Variants in TTC34 observed in about 807,000 individuals in gnomAD.
TTC34 encodes tetratricopeptide repeat protein 34.
Under a neutral mutation model 40.7 loss-of-function variants are expected in TTC34, and 44 were observed. The ratio of observed to expected loss-of-function variants is 1.08; its 90% CI spans 0.85 to 1.39. TTC34 has a LOEUF of 1.39. Among genes scored for constraint, TTC34 ranks in the 40% most tolerant of loss-of-function variants. The pLI, the probability that TTC34 is intolerant of heterozygous loss-of-function variation, is 0.00. For synonymous variants in TTC34, 422 were observed against 398.6 expected, an observed-to-expected ratio of 1.06 and a Z score of -0.70; for missense variants, 884 against 838.0, an observed-to-expected ratio of 1.05 and a Z score of -0.68.
At chr1:2,691,148 G>C (rs865826748) in intron 6 of TTC34, among the ~76,000 whole-genome samples, 7 of 46,540 alleles carry the variant, frequency 1.5e-4, no homozygotes, top group East Asian at 5.1e-4. Context: ...CACCGCCAGG[G>C]GAGTATCTGA....
chr1:2,758,449 A>T (rs1411621400), intron 6 of TTC34, among the ~76,000 whole-genome samples: 1 of 83,950 alleles, frequency 1.2e-5, no homozygotes, highest in East Asian at 3.3e-4. Flanking sequence ...CCAGGTGCGC[A>T]CATGACAGCC....
At chr1:2,685,129 G>T (rs1188567482) in intron 6 of TTC34, among the ~76,000 whole-genome samples, 27 of 143,642 alleles carry the variant, frequency 1.9e-4, no homozygotes, top group Admixed American at 1.9e-3. Context: ...CCCCAGGCGA[G>T]CATCGGACGG....
chr1:2,788,072 G>A (rs987840510), intron 3 of TTC34, among the ~76,000 whole-genome samples: 12 of 152,256 alleles, frequency 7.9e-5, no homozygotes. Flanking sequence ...ACACATGGCT[G>A]CACCTGGCAT....
rs1454305548 is a variant in TTC34, at chr1:2,760,270, C to T, written c.2226+23339G>A. ...CAGGCGAGCATCTGACCGCATGGAGCAGCAGCCACAACTCCAGGCGAGCAT... is the reference window on the plus strand; with the variant it reads ...CAGGCGAGCATCTGACCGCATGGAGTAGCAGCCACAACTCCAGGCGAGCAT... On this transcript the variant is annotated intron_variant, in intron 6 of 8. Coordinates refer to ENST00000401095, the Ensembl canonical transcript of TTC34. Among the ~76,000 whole-genome samples, 3 of 70,930 alleles carry T rather than the reference C, an allele frequency of 4.2e-5. 1 individual carries two copies. The highest frequency in any genetic ancestry group is 7.3e-5 in the Non-Finnish European group (3 of 40,980). The allele number at this position is 70,930 out of a possible 152,430, so 46.5% of individuals were successfully genotyped here.
At chr1:2,688,124 A>G (rs1640451471) in intron 6 of TTC34, among the ~76,000 whole-genome samples, 1 of 148,454 alleles carries the variant, frequency 6.7e-6, no homozygotes, top group African/African-American at 2.5e-5. Flanking sequence ...AACAGCACCC[A>G]CACCCCCAGG....
intron 2 of TTC34, among the ~76,000 whole-genome samples, chr1:2,791,216 A>G (rs1272480955): frequency 6.6e-6 from 1 of 152,078 alleles, no homozygotes; most frequent in Admixed American, 6.5e-5. Context: ...CCCCATCCCA[A>G]AAAGGGCCCC....
At chr1:2,647,633 C>G (rs1348102994) in intron 6 of TTC34, among the ~76,000 whole-genome samples, 1 of 152,052 alleles carries the variant, frequency 6.6e-6, no homozygotes, top group Non-Finnish European at 1.5e-5. Flanking sequence ...GACTCCATCT[C>G]TTCTAGAAAA....
At position 2,751,578 on chromosome 1, in the gene TTC34, G is replaced by A. The variant is rs1282512083; in HGVS notation, c.2226+32031C>T. ...CAACAGCACGCACACCCCCAGGTGC[G>A]CACGTGACAGCCTGCAACAGCACCC... On this transcript the variant is annotated intron_variant, in intron 6 of 8. Transcript: ENST00000401095. 3.4e-4 allele frequency among the ~76,000 whole-genome samples: 38 copies of A among 110,642 alleles called. 7 individuals carry two copies. The highest frequency in any genetic ancestry group is 8.9e-4 in the African/African-American group (22 of 24,760). The allele number at this position is 110,642 out of a possible 152,430, so 72.6% of individuals were successfully genotyped here. A position where few individuals can be genotyped will look rare whatever the true frequency, so the allele number is the denominator to read the frequency against.
chr1:2,641,575 G>A (rs1173116567), exon 9 of TTC34: 1 of 1,533,074 alleles, frequency 6.5e-7, no homozygotes, highest in Non-Finnish European at 8.7e-7. Flanking sequence ...GGCTGTTCTG[G>A]GCCAAGGAGG....
chr1:2,776,102 TA>T (rs1223214776), intron 6 of TTC34: 1 of 134,238 alleles, frequency 7.4e-6, no homozygotes, highest in Admixed American at 7.2e-5. Context: ...AAGAATTTGA[TA>T]AGTGGGAAAA....
intron 8 of TTC34, among the ~76,000 whole-genome samples, chr1:2,643,357 G>A (rs1468891754): frequency 2.6e-5 from 4 of 152,172 alleles, no homozygotes; most frequent in Non-Finnish European, 4.4e-5. Flanking sequence ...TCCTGGCGCC[G>A]CAGCCCAGCC....
chr1:2,751,641 C>A lies in TTC34; in HGVS notation c.2226+31968G>T, dbSNP rs1252388441. ...GAGCATCTGACGGCCTGGAACAGCACCCACACCCCCAGTTGAGCATTGGAC... is the reference window on the plus strand; with the variant it reads ...GAGCATCTGACGGCCTGGAACAGCAACCACACCCCCAGTTGAGCATTGGAC... On this transcript the variant is annotated intron_variant, in intron 6 of 8. Transcript: ENST00000401095. Among the ~76,000 whole-genome samples, 8 of 139,448 alleles carry A rather than the reference C, an allele frequency of 5.7e-5. 2 individuals carry two copies. The highest frequency in any genetic ancestry group is 9.4e-5 in the Non-Finnish European group (6 of 63,896). The allele number at this position is 139,448 out of a possible 152,430, so 91.5% of individuals were successfully genotyped here.
chr1:2,683,300 A>C (rs1401999900), intron 6 of TTC34, among the ~76,000 whole-genome samples: 1 of 146,520 alleles, frequency 6.8e-6, no homozygotes, highest in Non-Finnish European at 1.5e-5. Flanking sequence ...AGCCTGGAAC[A>C]GAATCCACAC....
At chr1:2,792,188 G>T (rs1183925642) in intron 2 of TTC34, among the ~76,000 whole-genome samples, 1 of 150,812 alleles carries the variant, frequency 6.6e-6, no homozygotes, top group African/African-American at 2.4e-5. Context: ...TTTTGGAGTT[G>T]GAGTCTCACT....
chr1:2,643,284 G>T (rs946174825), intron 8 of TTC34, among the ~76,000 whole-genome samples: 5 of 152,228 alleles, frequency 3.3e-5, no homozygotes, highest in African/African-American at 1.2e-4. Context: ...ATTTCCGGGT[G>T]GGTCCCCGTC....
intron 2 of TTC34, among the ~76,000 whole-genome samples, chr1:2,792,578 AT>A (rs1477096072): frequency 2.0e-5 from 3 of 152,090 alleles, no homozygotes. Context: ...TCCAAATTCT[AT>A]TGCTTTTTGG....
At chr1:2,772,917 A>C (rs1642483991) in intron 6 of TTC34, among the ~76,000 whole-genome samples, 1 of 115,616 alleles carries the variant, frequency 8.6e-6, no homozygotes, top group African/African-American at 3.1e-5. Context: ...AGCATTCGAC[A>C]GCCTGGAACA....
intron 6 of TTC34, among the ~76,000 whole-genome samples, chr1:2,751,774 G>A (rs1641328661): frequency 6.8e-6 from 1 of 146,946 alleles, no homozygotes; most frequent in Admixed American, 6.8e-5. Context: ...CACACCCACA[G>A]GTGAGCATCT....
intron 6 of TTC34, among the ~76,000 whole-genome samples, chr1:2,749,015 T>TCCGA (rs1641233135): frequency 5.2e-5 from 1 of 19,338 alleles, no homozygotes; most frequent in Non-Finnish European, 1.2e-4. Context: ...CAGGTGAGCA[T>TCCGA]CTGACAGCCT....
Sources: gnomAD v4.1 joint callset for allele counts (sites outside exome capture counted in the v4.1 genomes callset) on GRCh38, gnomAD v4.1.1 for gene constraint, MANE v1.5 for transcripts, NCBI Gene and HGNC (gene_info 2026-07-23, HGNC 2026-07-21) for gene names.